The following STX8 variants were observed in gnomAD, a reference collection of about 807,000 sequenced individuals.
STX8 encodes syntaxin-8.
Under a neutral mutation model 37.5 loss-of-function variants are expected in STX8, and 23 were observed. The ratio of observed to expected loss-of-function variants is 0.61; its 90% CI spans 0.44 to 0.87. The LOEUF (loss-of-function observed/expected upper bound fraction) is 0.87, where lower values mean the gene tolerates loss of function less well. STX8 is among the 40% of genes least tolerant of loss of function. The probability of loss-of-function intolerance (pLI) is 0.00; values close to 1 mark genes in which losing one functional copy is unlikely to be tolerated. For missense variants in STX8, 313 were observed against 284.7 expected (o/e 1.10, Z -0.71); for synonymous variants, 115 against 99.1 (o/e 1.16, Z -0.95).
intron 5 of STX8, among the ~76,000 whole-genome samples, chr17:9,496,794 A>T (rs528177960): frequency 6.6e-6 from 1 of 152,268 alleles, no homozygotes; most frequent in African/African-American, 2.4e-5. Flanking sequence ...TCAGAGAGAG[A>T]TAACTTACTG....
intron 7 of STX8, among the ~76,000 whole-genome samples, chr17:9,357,204 G>C (rs1369761833): frequency 6.6e-6 from 1 of 151,774 alleles, no homozygotes; most frequent in Non-Finnish European, 1.5e-5. Context: ...CTGATCTCAG[G>C]TGATCTGCCT....
chr17:9,542,546 G>A (rs1000679979), intron 4 of STX8, among the ~76,000 whole-genome samples: 1 of 151,386 alleles, frequency 6.6e-6, no homozygotes, highest in Non-Finnish European at 1.5e-5. Context: ...GCATGGTGGC[G>A]GGCGCCTGTA....
intron 3 of STX8, chr17:9,557,140 G>C (rs1420384774): frequency 1.1e-5 from 3 of 270,306 alleles, no homozygotes; most frequent in Middle Eastern, 1.4e-3. Context: ...TCTAGACAGA[G>C]AGCAGTGTGG....
chr17:9,382,542 A>C (rs1406638930), intron 6 of STX8, among the ~76,000 whole-genome samples: 1 of 152,192 alleles, frequency 6.6e-6, no homozygotes, highest in Non-Finnish European at 1.5e-5. Context: ...TCAACTCGTC[A>C]TTTACATTAG....
At chr17:9,259,998 G>C (rs1906950200) in intron 7 of STX8, among the ~76,000 whole-genome samples, 1 of 151,524 alleles carries the variant, frequency 6.6e-6, no homozygotes, top group Non-Finnish European at 1.5e-5. Context: ...CGGGTGGATT[G>C]CATGAGCCCA....
chr17:9,320,701 T>G (rs1234934157), intron 7 of STX8, among the ~76,000 whole-genome samples: 1 of 151,534 alleles, frequency 6.6e-6, no homozygotes. Context: ...AAGACTAGCC[T>G]GGCTAACATG....
At chr17:9,441,270 T>A (rs1264529774) in intron 6 of STX8, among the ~76,000 whole-genome samples, 1 of 151,892 alleles carries the variant, frequency 6.6e-6, no homozygotes, top group Non-Finnish European at 1.5e-5. Flanking sequence ...GGCGGGCGGA[T>A]CACGAGGTTG....
chr17:9,406,305 A>G (rs777022356), intron 6 of STX8, among the ~76,000 whole-genome samples: 28 of 152,194 alleles, frequency 1.8e-4, no homozygotes, highest in Admixed American at 4.6e-4. Context: ...ATTGCACTAA[A>G]CACAAAAAAT....
intron 6 of STX8, among the ~76,000 whole-genome samples, chr17:9,441,357 GCA>G (rs1358960446): frequency 7.8e-4 from 119 of 151,862 alleles, no homozygotes; most frequent in South Asian, 1.7e-3. Context: ...GTGTGTGGTG[GCA>G]TGCACCTGTA....
intron 7 of STX8, among the ~76,000 whole-genome samples, chr17:9,337,304 T>C (rs1201077606): frequency 1.3e-5 from 2 of 152,046 alleles, no homozygotes; most frequent in Admixed American, 6.5e-5. Flanking sequence ...TCAATGTCCA[T>C]ACTGGGATAG....
At chr17:9,341,155 C>T (rs965494989) in intron 7 of STX8, among the ~76,000 whole-genome samples, 4 of 151,834 alleles carry the variant, frequency 2.6e-5, no homozygotes, top group African/African-American at 9.7e-5. Context: ...GAGGTTTTGG[C>T]TTGCCTTGAA....
intron 6 of STX8, among the ~76,000 whole-genome samples, chr17:9,390,671 CAAA>C (rs34634153): frequency 8.0e-6 from 1 of 125,478 alleles, no homozygotes; most frequent in African/African-American, 2.9e-5. Context: ...ACTAAAAATA[CAAA>C]AAAAAAAAAA....
intron 6 of STX8, among the ~76,000 whole-genome samples, chr17:9,485,177 C>T (rs1007677328): frequency 2.6e-5 from 4 of 152,054 alleles, no homozygotes; most frequent in Non-Finnish European, 4.4e-5. Flanking sequence ...TGATACAAGG[C>T]AGAGAAAGGC....
intron 7 of STX8, among the ~76,000 whole-genome samples, chr17:9,254,329 C>G (rs893357094): frequency 1.3e-5 from 2 of 152,132 alleles, no homozygotes; most frequent in African/African-American, 4.8e-5. Context: ...TGGCATTTTC[C>G]CAAAGAACTC....
At chr17:9,424,043 T>G (rs1913537343) in intron 6 of STX8, among the ~76,000 whole-genome samples, 1 of 152,132 alleles carries the variant, frequency 6.6e-6, no homozygotes, top group East Asian at 1.9e-4. Context: ...CCCTACACAT[T>G]TTCCAGATGT....
rs776149780 is a variant in STX8, at chr17:9,557,517, T to A, written c.129A>T (p.Thr43=). The A allele has an allele frequency of 6.2e-7, 1 of 1,614,040 alleles. No homozygotes were observed. The highest frequency in any genetic ancestry group is 8.5e-7 in the Non-Finnish European group (1 of 1,179,944). ...TCAGGTTCTGCAACAAAGCTCTGAT[T>A]GTCACGGTAAGCTGAAAAGAAAAGA... ...KGEKAPKLTV[T]IRALLQNLKE... The change falls in exon 3 of 8, where the codon ACA becomes ACT. Residue 43 remains threonine (T), a synonymous_variant. Transcript: ENST00000306357.
chr17:9,315,156 C>A (rs1186546597), intron 7 of STX8, among the ~76,000 whole-genome samples: 9 of 146,004 alleles, frequency 6.2e-5, no homozygotes, highest in South Asian at 2.2e-4. Context: ...AAGAAAAAAA[C>A]AAAAACAAAA....
At chr17:9,331,735 T>C (rs749435337) in intron 7 of STX8, among the ~76,000 whole-genome samples, 9 of 152,204 alleles carry the variant, frequency 5.9e-5, no homozygotes, top group Non-Finnish European at 1.0e-4. Context: ...ACTGTTAAAG[T>C]GCTAAACACG....
At chr17:9,278,063 G>A (rs749432640) in intron 7 of STX8, among the ~76,000 whole-genome samples, 6 of 152,142 alleles carry the variant, frequency 3.9e-5, no homozygotes, top group Non-Finnish European at 7.3e-5. Flanking sequence ...TCCAAGTAAA[G>A]CCAACAAGAC....
Sources: gnomAD v4.1 joint callset for allele counts (sites outside exome capture counted in the v4.1 genomes callset) on GRCh38, gnomAD v4.1.1 for gene constraint, MANE v1.5 for transcripts, NCBI Gene and HGNC (gene_info 2026-07-23, HGNC 2026-07-21) for gene names.